The following VAPB variants were observed in gnomAD, a reference collection of about 807,000 sequenced individuals.
VAPB encodes the protein VAMP associated protein B and C, also known as vesicle-associated membrane protein-associated protein B/C.
In VAPB, 7 loss-of-function variants were observed where a neutral mutation model predicts 25.6. That is an observed-to-expected ratio of 0.27 (90% CI 0.16 to 0.51). The LOEUF is 0.51. Among genes scored for constraint, VAPB ranks in the 20% least tolerant of loss-of-function variants. The pLI is 0.97. For synonymous variants in VAPB, 112 were observed against 109.2 expected (o/e 1.03, Z -0.16); for missense variants, 266 against 301.3 (o/e 0.88, Z 0.87).
chr20:58,435,287 A>G (rs921880052), intron 3 of VAPB, among the ~76,000 whole-genome samples: 9 of 144,270 alleles, frequency 6.2e-5, no homozygotes, highest in Non-Finnish European at 1.1e-4. Flanking sequence ...ATGGTTTTGG[A>G]AAAAAAAAAA....
intron 5 of VAPB, 96 bp downstream of exon 5, chr20:58,441,179 C>CT (rs1220872039): frequency 2.9e-6 from 4 of 1,377,264 alleles, no homozygotes; most frequent in African/African-American, 2.9e-5. Flanking sequence ...ATATAGATTT[C>CT]TTTTTGCTTT....
rs764113067 is a variant in VAPB at position 58,448,499 on chromosome 20, C to G, written c.*4264C>G. 6.6e-6 allele frequency: 3 copies of G among 453,866 alleles called. No individual in the cohort carries two copies. The highest frequency in any genetic ancestry group is 1.3e-5 in the Non-Finnish European group (3 of 226,764). 28.1% of individuals were successfully genotyped at this position (453,866 alleles called of 1,614,324 possible). A position where few individuals can be genotyped will look rare whatever the true frequency, so the allele number is the denominator to read the frequency against. ...GGGGGTAGATGGCTCTGTTTGCATACGAAGAAATAAAGGCTCCAGGAGGTT... is the reference window on the plus strand; with the variant it reads ...GGGGGTAGATGGCTCTGTTTGCATAGGAAGAAATAAAGGCTCCAGGAGGTT... On this transcript the variant is annotated 3_prime_UTR_variant, in exon 6 of 6. Transcript: ENST00000475243.
At chr20:58,391,469 CAG>C (rs1229525135) in intron 1 of VAPB, among the ~76,000 whole-genome samples, 4 of 151,670 alleles carry the variant, frequency 2.6e-5, no homozygotes, top group Admixed American at 2.0e-4. Flanking sequence ...ACATTTCAGA[CAG>C]AGGAAATTGC....
Position 58,447,836 on chromosome 20 carries a change from C to T in VAPB, c.*3601C>T. ...CAGCTCCTTCTCTAAAGGAATGGCC[C>T]ATTTCTCATTGTAGTTTGAGAAATA... is the stretch of plus-strand genomic sequence containing the variant. On this transcript the variant is annotated 3_prime_UTR_variant, in exon 6 of 6. Coordinates refer to ENST00000475243, the MANE Select transcript of VAPB (RefSeq NM_004738.5). 2.2e-6 allele frequency: 1 copy of T among 454,008 alleles called. No individual in the cohort carries two copies. The highest frequency in any genetic ancestry group is 1.6e-5 in the South Asian group (1 of 64,478). 28.1% of individuals were successfully genotyped at this position (454,008 alleles called of 1,614,324 possible). A position where few individuals can be genotyped will look rare whatever the true frequency, so the allele number is the denominator to read the frequency against.
intron 1 of VAPB, among the ~76,000 whole-genome samples, chr20:58,414,918 A>C (rs991552898): frequency 2.4e-4 from 36 of 152,202 alleles, no homozygotes; most frequent in Non-Finnish European, 2.8e-4. Flanking sequence ...ACGCCACTGC[A>C]CTCCAGCCTG....
At chr20:58,420,292 C>T (rs966928344) in intron 2 of VAPB, among the ~76,000 whole-genome samples, 1 of 152,160 alleles carries the variant, frequency 6.6e-6, no homozygotes, top group East Asian at 1.9e-4. Flanking sequence ...GCATCTCCGT[C>T]TCTCTTTCAG....
intron 1 of VAPB, among the ~76,000 whole-genome samples, chr20:58,399,656 G>A (rs936861074): frequency 2.0e-5 from 3 of 150,592 alleles, no homozygotes. Flanking sequence ...GGCAGAGGTT[G>A]CAGCTAGCTG....
chr20:58,408,256 G>A (rs909130926), intron 1 of VAPB, among the ~76,000 whole-genome samples: 2 of 152,152 alleles, frequency 1.3e-5, no homozygotes, highest in African/African-American at 2.4e-5. Context: ...GCTGGCTCCC[G>A]AGGATACCAG....
rs554515557 is a variant in VAPB at position 58,429,282 on chromosome 20, C to G, written c.212-5320C>G. 4.6e-5 allele frequency among the ~76,000 whole-genome samples: 7 copies of G among 152,278 alleles called. No homozygotes were observed. The East Asian group carries it at 1.4e-3, about 29-fold the overall frequency. Reference sequence around the variant, plus strand: ...TCCCAATTGAAAAGTTTCCATTCACCAATGCATGTAGGCATCTGTGTATAT... The same window carrying G: ...TCCCAATTGAAAAGTTTCCATTCACGAATGCATGTAGGCATCTGTGTATAT... On this transcript the variant is annotated intron_variant, in intron 2 of 5. Transcript: ENST00000475243.
chr20:58,445,563 A>C lies in VAPB; in HGVS notation c.*1328A>C. On this transcript the variant is annotated 3_prime_UTR_variant, in exon 6 of 6. Transcript: ENST00000475243. The stretch of plus-strand genomic sequence containing the variant: ...CCCCAAAATTAAGAATTCTTTTGTC[A>C]TTTTGTCACATTTGCTCTATGGGGG... 1 of 454,176 alleles carries C rather than the reference A, an allele frequency of 2.2e-6. No homozygotes were observed. The highest frequency in any genetic ancestry group is 1.6e-5 in the South Asian group (1 of 64,394). The allele number at this position is 454,176 out of a possible 1,614,324, so 28.1% of individuals were successfully genotyped here.
intron 1 of VAPB, among the ~76,000 whole-genome samples, chr20:58,405,928 A>G (rs1988219877): frequency 6.6e-6 from 1 of 151,768 alleles, no homozygotes; most frequent in Non-Finnish European, 1.5e-5. Flanking sequence ...TAATTTTTGT[A>G]TCTTTAGTGG....
chr20:58,416,553 C>G (rs542130520), intron 1 of VAPB, among the ~76,000 whole-genome samples: 1 of 140,884 alleles, frequency 7.1e-6, no homozygotes, highest in East Asian at 2.1e-4. Flanking sequence ...CAGACAAAAT[C>G]ACACAGAAAC....
intron 1 of VAPB, among the ~76,000 whole-genome samples, chr20:58,395,902 G>C (rs976474429): frequency 2.6e-5 from 4 of 152,146 alleles, no homozygotes; most frequent in Non-Finnish European, 5.9e-5. Flanking sequence ...GTCACTTGAG[G>C]ATTATTTAAA....
chr20:58,407,004 A>G (rs1022128024), intron 1 of VAPB, among the ~76,000 whole-genome samples: 1 of 152,254 alleles, frequency 6.6e-6, no homozygotes, highest in Admixed American at 6.5e-5. Context: ...TAAAGAATGC[A>G]TTGAAAAAAT....
At chr20:58,394,634 G>C (rs1272653408) in intron 1 of VAPB, among the ~76,000 whole-genome samples, 1 of 152,210 alleles carries the variant, frequency 6.6e-6, no homozygotes, top group Non-Finnish European at 1.5e-5. Flanking sequence ...TTCATAGATA[G>C]TACCATTTAC....
Position 58,446,218 on chromosome 20 carries a change from C to T in VAPB, c.*1983C>T, listed in dbSNP as rs569317434. 1 of 454,094 alleles carries T rather than the reference C, an allele frequency of 2.2e-6. No homozygotes were observed. The highest frequency in any genetic ancestry group is 2.0e-5 in the African/African-American group (1 of 50,112). The allele number at this position is 454,094 out of a possible 1,614,324, so 28.1% of individuals were successfully genotyped here. ...TCCAGGATTTTTCCCATGTGTCCCC[C>T]AGTACTTATAAAAGGGAGTGAAAAG... On this transcript the variant is annotated 3_prime_UTR_variant, in exon 6 of 6. Transcript: ENST00000475243.
intron 1 of VAPB, among the ~76,000 whole-genome samples, chr20:58,398,915 G>GTT (rs1988028617): frequency 6.6e-6 from 1 of 151,856 alleles, no homozygotes; most frequent in Non-Finnish European, 1.5e-5. Flanking sequence ...ATAAGTGGGA[G>GTT]TGTGCCCTTG....
In VAPB at chr20:58,418,199, C is replaced by A; in HGVS notation, c.59-12C>A. ...CATGAGACCCCCAATCAGTCTCTGT[C>A]TCATTCTACAGGTCCCTTCACCGAT... On this transcript the variant is annotated splice_polypyrimidine_tract_variant and intron_variant, in intron 1 of 5. Transcript: ENST00000475243. 1 of 1,614,016 alleles carries A rather than the reference C, an allele frequency of 6.2e-7. No individual in the cohort carries two copies. Among genetic ancestry groups the A allele is most frequent in the Non-Finnish European group, 8.5e-7 (1 of 1,179,914 alleles).
chr20:58,434,179 AC>A (rs1353408565), intron 2 of VAPB, among the ~76,000 whole-genome samples: 3 of 152,232 alleles, frequency 2.0e-5, no homozygotes, highest in Non-Finnish European at 2.9e-5. Flanking sequence ...AGAAGCTACA[AC>A]AGTTCCTTAA....
Sources: allele counts gnomAD v4.1 joint callset (sites outside exome capture counted in the v4.1 genomes callset), GRCh38; gene constraint gnomAD v4.1.1; transcripts MANE v1.5; gene names NCBI Gene and HGNC (gene_info 2026-07-23, HGNC 2026-07-21).